The following PIBF1 variants were observed in gnomAD, a reference collection of about 807,000 sequenced individuals.
The protein encoded by PIBF1 is progesterone-induced-blocking factor 1.
A neutral mutation model predicts 112.5 loss-of-function variants in PIBF1; 90 were observed. The ratio of observed to expected loss-of-function variants is 0.80; its 90% CI spans 0.67 to 0.95. The LOEUF is 0.95. Ranked by LOEUF, PIBF1 falls within the 40% of genes least tolerant of loss-of-function variation. The pLI, the probability that PIBF1 is intolerant of heterozygous loss-of-function variation, is 0.00. For synonymous variants in PIBF1, 301 were observed against 288.6 expected (o/e 1.04, Z -0.44); for missense variants, 915 against 852.3 (o/e 1.07, Z -0.92).
At chr13:72,963,525 C>T (rs887109791) in intron 14 of PIBF1, among the ~76,000 whole-genome samples, 3 of 152,014 alleles carry the variant, frequency 2.0e-5, no homozygotes, top group East Asian at 1.9e-4. Context: ...ATCCAGGAGG[C>T]GGAGGTTGCA....
intron 10 of PIBF1, among the ~76,000 whole-genome samples, chr13:72,875,751 G>C (rs950851153): frequency 1.3e-5 from 2 of 152,132 alleles, no homozygotes; most frequent in Non-Finnish European, 2.9e-5. Flanking sequence ...TGGTGATGTG[G>C]CTATTAAGGT....
chr13:72,853,497 C>T (rs939576220), intron 9 of PIBF1, among the ~76,000 whole-genome samples: 7 of 152,174 alleles, frequency 4.6e-5, no homozygotes, highest in Non-Finnish European at 8.8e-5. Flanking sequence ...TACACTTTGA[C>T]TTAATCTGTC....
chr13:72,934,334 T>G (rs1477560349), intron 14 of PIBF1, among the ~76,000 whole-genome samples: 1 of 152,204 alleles, frequency 6.6e-6, no homozygotes, highest in Non-Finnish European at 1.5e-5. Context: ...AGTCTCGCTC[T>G]CTCGCCCAGG....
At chr13:72,976,331 G>A (rs2043021699) in intron 16 of PIBF1, among the ~76,000 whole-genome samples, 1 of 151,732 alleles carries the variant, frequency 6.6e-6, no homozygotes, top group African/African-American at 2.4e-5. Flanking sequence ...AGAGGAAGAA[G>A]AAGAAGGAAG....
chr13:73,003,889 T>G (rs2043951079), intron 17 of PIBF1, among the ~76,000 whole-genome samples: 1 of 151,998 alleles, frequency 6.6e-6, no homozygotes, highest in Non-Finnish European at 1.5e-5. Context: ...TTCTTTATTT[T>G]TTGTAGAGAC....
chr13:72,833,421 CT>C (rs1287430152), intron 8 of PIBF1, among the ~76,000 whole-genome samples: 1 of 152,162 alleles, frequency 6.6e-6, no homozygotes, highest in African/African-American at 2.4e-5. Flanking sequence ...TACCTTTGGT[CT>C]TTGATGTTGG....
intron 15 of PIBF1, among the ~76,000 whole-genome samples, chr13:72,969,290 C>T (rs1206579292): frequency 6.6e-6 from 1 of 152,008 alleles, no homozygotes; most frequent in African/African-American, 2.4e-5. Context: ...AATTAAGACT[C>T]CCTTAATAAC....
chr13:72,999,132 T>G lies in PIBF1; in HGVS notation c.2223+137T>G, dbSNP rs922044725. On this transcript the variant is annotated intron_variant, in intron 17 of 17. Transcript: ENST00000326291. ...TTTCATGAAAAGACCTTGAAGGATT[T>G]GCATTAATCCATTTTCTAAATGTGT... 2.6e-5 allele frequency: 15 copies of G among 580,284 alleles called. No individual in the cohort carries two copies. In the African/African-American group the frequency reaches 2.6e-4, roughly 10 times the overall value. The allele number at this position is 580,284 out of a possible 1,614,324, so 35.9% of individuals were successfully genotyped here. A position where few individuals can be genotyped will look rare whatever the true frequency, so the allele number is the denominator to read the frequency against.
intron 16 of PIBF1, among the ~76,000 whole-genome samples, chr13:72,979,980 A>G (rs1332409433): frequency 6.6e-6 from 1 of 152,180 alleles, no homozygotes; most frequent in African/African-American, 2.4e-5. Context: ...TGATTTGAGT[A>G]CATTAGGGAC....
intron 17 of PIBF1, among the ~76,000 whole-genome samples, chr13:73,001,182 T>A (rs1370037813): frequency 6.6e-6 from 1 of 152,218 alleles, no homozygotes; most frequent in Non-Finnish European, 1.5e-5. Context: ...AAATGAGTTC[T>A]GGACTCCTTT....
chr13:72,818,279 C>T (rs1283922948), intron 5 of PIBF1, among the ~76,000 whole-genome samples: 1 of 152,138 alleles, frequency 6.6e-6, no homozygotes, highest in Non-Finnish European at 1.5e-5. Flanking sequence ...TCTTCATTTG[C>T]AGACCACTGG....
intron 11 of PIBF1, among the ~76,000 whole-genome samples, chr13:72,894,256 CAT>C (rs748374071): frequency 4.6e-5 from 7 of 151,868 alleles, no homozygotes; most frequent in East Asian, 1.9e-4. Context: ...ACTTCACTGA[CAT>C]GTGAAATGAA....
chr13:72,789,795 A>G (rs1298130638), intron 2 of PIBF1, among the ~76,000 whole-genome samples: 1 of 152,076 alleles, frequency 6.6e-6, no homozygotes, highest in African/African-American at 2.4e-5. Flanking sequence ...TCTGAAATCC[A>G]AAAGGGTCAA....
At chr13:73,002,983 CAAAAAAAAAA>C (rs1161228077) in intron 17 of PIBF1, among the ~76,000 whole-genome samples, 7 of 57,520 alleles carry the variant, frequency 1.2e-4, no homozygotes, top group African/African-American at 2.2e-4. Context: ...ACTCTGGTCT[CAAAAAAAAAA>C]AAAAAAAAAA....
rs115757725 is a variant in PIBF1, at chr13:72,944,745, G to A, written c.1833+13478G>A. 5.4e-3 allele frequency among the ~76,000 whole-genome samples: 813 copies of A among 151,956 alleles called. 15 individuals are homozygous for A. Among genetic ancestry groups the A allele is most frequent in the African/African-American group, 0.018 (760 of 41,448 alleles). ...TTATTTTAGATTCAGGGGTACATGG[G>A]CAGGTTTATTATCTGGGTTTTTTGT... On this transcript the variant is annotated intron_variant, in intron 14 of 17. Transcript: ENST00000326291.
At chr13:72,918,507 TCTCCCAAGTAGCTGGGACTACAGG>T (rs2138701102) in intron 13 of PIBF1, among the ~76,000 whole-genome samples, 1 of 140,338 alleles carries the variant, frequency 7.1e-6, no homozygotes, top group African/African-American at 2.7e-5. Flanking sequence ...CCTGCCTCAG[TCTCCCAAGTAGCTGGGACTACAGG>T]CGTGCACCAC....
chr13:72,958,309 C>CAAAAAAA (rs71799519), intron 14 of PIBF1, among the ~76,000 whole-genome samples: 1 of 68,740 alleles, frequency 1.5e-5, no homozygotes, highest in Non-Finnish European at 2.8e-5. Flanking sequence ...GACCCTATCT[C>CAAAAAAA]AAAAAAAAAA....
chr13:72,825,917 T>C lies in PIBF1; in HGVS notation c.807-1093T>C, dbSNP rs199731658. Among the ~76,000 whole-genome samples the C allele has an allele frequency of 6.2e-5, 9 of 146,150 alleles. No homozygotes were observed. The East Asian group carries it at 1.8e-3, about 29-fold the overall frequency. ...CGTCTTTACAAAAAAAAAAAAAAAA[T>C]TAAATTAGGCACATGGTGGCATGCA... On this transcript the variant is annotated intron_variant, in intron 6 of 17. Coordinates refer to ENST00000326291, the MANE Select transcript of PIBF1 (RefSeq NM_006346.4).
At chr13:72,843,456 G>T (rs1311658930) in intron 9 of PIBF1, among the ~76,000 whole-genome samples, 3 of 152,202 alleles carry the variant, frequency 2.0e-5, no homozygotes, top group African/African-American at 7.2e-5. Flanking sequence ...TTGTCGTCCA[G>T]GCTGGAGTGC....
Sources: allele counts gnomAD v4.1 joint callset (sites outside exome capture counted in the v4.1 genomes callset), GRCh38; gene constraint gnomAD v4.1.1; transcripts MANE v1.5; gene names NCBI Gene and HGNC (gene_info 2026-07-23, HGNC 2026-07-21).